The following DCBLD2 variants were observed in gnomAD, a reference collection of about 807,000 sequenced individuals.
DCBLD2 encodes the protein discoidin, CUB and LCCL domain-containing protein 2.
Under a neutral mutation model 86.8 loss-of-function variants are expected in DCBLD2, and 54 were observed. The observed-to-expected ratio is 0.62, with a 90% CI of 0.50 to 0.78. The LOEUF is 0.78. Ranked by LOEUF, DCBLD2 falls within the 30% of genes least tolerant of loss-of-function variation. The pLI is 0.00. For missense variants in DCBLD2, 908 were observed against 954.2 expected (o/e 0.95, Z 0.64); for synonymous variants, 354 against 341.3 (o/e 1.04, Z -0.41).
intron 5 of DCBLD2, 70 bp downstream of exon 5, chr3:98,822,599 C>T: frequency 7.0e-7 from 1 of 1,421,236 alleles, no homozygotes; most frequent in Non-Finnish European, 9.5e-7. Context: ...TAACACACCT[C>T]TAACTACTCT....
chr3:98,863,498 C>G (rs1943084586), intron 2 of DCBLD2, among the ~76,000 whole-genome samples: 1 of 152,210 alleles, frequency 6.6e-6, no homozygotes, highest in African/African-American at 2.4e-5. Flanking sequence ...CAGCATGGTA[C>G]TGGGACCAAA....
At chr3:98,822,625 TAG>T (rs1404993715) in intron 5 of DCBLD2, 42 bp downstream of exon 5, 26 of 1,508,138 alleles carry the variant, frequency 1.7e-5, no homozygotes, top group Non-Finnish European at 2.1e-5. Flanking sequence ...TCTAAAAAAA[TAG>T]AGTTATATCA....
At chr3:98,850,200 T>A (rs1942808543) in intron 2 of DCBLD2, among the ~76,000 whole-genome samples, 1 of 152,192 alleles carries the variant, frequency 6.6e-6, no homozygotes, top group African/African-American at 2.4e-5. Context: ...CTAAATTTCA[T>A]CCTTTAATGT....
chr3:98,799,345 G>A lies in DCBLD2; in HGVS notation c.*27C>T, dbSNP rs372028782. 29 of 1,553,068 alleles carry A rather than the reference G, an allele frequency of 1.9e-5. No individual in the cohort carries two copies. The African/African-American group carries it at 1.9e-4, about 10-fold the overall frequency. ...AAAAAAAGGCCATGTGCTTTAAAAC[G>A]ATGCTTTGTAAAAAGCAGCATCATC... On this transcript the variant is annotated 3_prime_UTR_variant, in exon 16 of 16. Coordinates refer to ENST00000326840, the MANE Select transcript of DCBLD2 (RefSeq NM_080927.4).
rs557520407 is a variant in DCBLD2, at chr3:98,821,312, C to CTA, written c.830+914_830+915dup. On this transcript the variant is annotated intron_variant, in intron 6 of 15. Transcript: ENST00000326840. ...GTGTTGTCTGAAAGACTGAGCAGAT[C>CTA]TAAGAGACAAGATTTATAAAAACAG... The CTA allele has an allele frequency of 1.9e-3, 282 of 152,266 alleles. 4 individuals are homozygous for CTA. The highest frequency in any genetic ancestry group is 6.5e-3 in the African/African-American group (269 of 41,550). 9.4% of individuals were successfully genotyped at this position (152,266 alleles called of 1,614,324 possible).
intron 6 of DCBLD2, chr3:98,820,768 CTT>C (rs35665866): frequency 0.91 from 132,895 of 146,016 alleles, 60,604 homozygotes; most frequent in Middle Eastern, 0.99. Flanking sequence ...ATTTCTTTTT[CTT>C]TTTTTTTTTT....
intron 2 of DCBLD2, among the ~76,000 whole-genome samples, chr3:98,852,945 G>T (rs1402575900): frequency 1.3e-5 from 2 of 152,180 alleles, no homozygotes; most frequent in Non-Finnish European, 2.9e-5. Flanking sequence ...CTTAATTTCA[G>T]CCTGGTGGGA....
At chr3:98,864,282 A>G (rs1441184477) in intron 2 of DCBLD2, among the ~76,000 whole-genome samples, 1 of 152,220 alleles carries the variant, frequency 6.6e-6, no homozygotes, top group Non-Finnish European at 1.5e-5. Flanking sequence ...AAACCATTGT[A>G]GAAGACAGTG....
At position 98,881,691 on chromosome 3, in the gene DCBLD2, G is replaced by A; in HGVS notation, c.282C>T (p.Pro94=). The A allele has an allele frequency of 1.2e-6, 2 of 1,613,880 alleles. No homozygotes were observed. The highest frequency in any genetic ancestry group is 1.7e-6 in the Non-Finnish European group (2 of 1,179,874). The change falls in exon 2 of 16, where the codon CCC becomes CCT. Residue 94 remains proline (P), a synonymous_variant. Transcript: ENST00000326840. The part of the protein sequence containing the change: ...LTSINYPQTY[P]NSTVCEWEIR... ...TCTCCCATTCACAAACAGTGCTGTT[G>A]GGATAGGTCTGTGGGTAGTTTATGG...
At chr3:98,800,838 G>T in intron 14 of DCBLD2, 122 bp from the exon 15 acceptor site, 6 of 1,370,244 alleles carry the variant, frequency 4.4e-6, no homozygotes, top group South Asian at 4.3e-5. Flanking sequence ...CTACAAACTT[G>T]CCTTTATAAT....
At chr3:98,876,405 T>C (rs1261892514) in intron 2 of DCBLD2, among the ~76,000 whole-genome samples, 177 of 8,000 alleles carry the variant, frequency 0.022, no homozygotes, top group Admixed American at 0.11. Flanking sequence ...CAGGAAGAGA[T>C]AAAAAGTAAA....
At chr3:98,858,292 C>T (rs555865423) in intron 2 of DCBLD2, among the ~76,000 whole-genome samples, 30 of 152,348 alleles carry the variant, frequency 2.0e-4, no homozygotes, top group South Asian at 1.2e-3. Flanking sequence ...CCCCAGTTCC[C>T]GCCTGCGCCT....
intron 2 of DCBLD2, among the ~76,000 whole-genome samples, chr3:98,861,310 A>T (rs922538173): frequency 4.0e-5 from 2 of 49,952 alleles, no homozygotes; most frequent in Admixed American, 1.7e-4. Flanking sequence ...AGCATTAGAC[A>T]GATCAATGAG....
intron 9 of DCBLD2, 21 bp downstream of exon 9, chr3:98,817,748 A>C (rs1482019061): frequency 5.0e-6 from 8 of 1,611,122 alleles, no homozygotes; most frequent in Non-Finnish European, 6.8e-6. Flanking sequence ...TTTTTTAAAA[A>C]TACCTTGGTA....
chr3:98,838,222 C>T (rs370279769), intron 3 of DCBLD2, among the ~76,000 whole-genome samples: 85 of 111,466 alleles, frequency 7.6e-4, no homozygotes, highest in East Asian at 6.4e-3. Flanking sequence ...GGGTGGCTGC[C>T]GGGCGGAGAG....
intron 2 of DCBLD2, among the ~76,000 whole-genome samples, chr3:98,880,237 G>A (rs77142223): frequency 1.1e-3 from 171 of 152,262 alleles, no homozygotes; most frequent in Non-Finnish European, 1.9e-3. Context: ...AAGAGATGAA[G>A]GATTTCACTA....
chr3:98,795,968 T>C lies in DCBLD2; in HGVS notation c.*3404A>G, dbSNP rs1213232739. The C allele has an allele frequency of 6.6e-6, 1 of 152,636 alleles. No homozygotes were observed. Among genetic ancestry groups the C allele is most frequent in the African/African-American group, 2.4e-5 (1 of 41,456 alleles). 9.5% of individuals were successfully genotyped at this position (152,636 alleles called of 1,614,324 possible). ...AGGTTAAAATAGAAGAATCTGGCATTTTATAGTATAAGGAAAAGCTACAAA... is the reference window on the plus strand; with the variant it reads ...AGGTTAAAATAGAAGAATCTGGCATCTTATAGTATAAGGAAAAGCTACAAA... On this transcript the variant is annotated 3_prime_UTR_variant, in exon 16 of 16. Coordinates refer to ENST00000326840, the MANE Select transcript of DCBLD2 (RefSeq NM_080927.4).
At chr3:98,856,068 G>A (rs1299326566) in intron 2 of DCBLD2, among the ~76,000 whole-genome samples, 4 of 152,196 alleles carry the variant, frequency 2.6e-5, no homozygotes, top group Admixed American at 1.3e-4. Context: ...AAGCATCACA[G>A]ATGAGACATT....
At chr3:98,847,102 T>C (rs1452680110) in intron 3 of DCBLD2, among the ~76,000 whole-genome samples, 1 of 152,220 alleles carries the variant, frequency 6.6e-6, no homozygotes, top group African/African-American at 2.4e-5. Context: ...ACTTGTGTTC[T>C]CTACATTACT....
Sources: gnomAD v4.1 joint callset for allele counts (sites outside exome capture counted in the v4.1 genomes callset) on GRCh38, gnomAD v4.1.1 for gene constraint, MANE v1.5 for transcripts, NCBI Gene and HGNC (gene_info 2026-07-23, HGNC 2026-07-21) for gene names.